ART4: variants seen among roughly 807,000 people sequenced by gnomAD.
ART4 encodes ADP-ribosyltransferase 4 (inactive) (Dombrock blood group), also known as ecto-ADP-ribosyltransferase 4.
In ART4, 14 loss-of-function variants were observed where a neutral mutation model predicts 24.2. The observed-to-expected ratio is 0.58, with a 90% confidence interval of 0.38 to 0.90. The LOEUF (loss-of-function observed/expected upper bound fraction) is 0.90. Ranked by LOEUF, ART4 falls within the 40% of genes least tolerant of loss-of-function variation. ART4 has a pLI of 0.00. For missense variants in ART4, 356 were observed against 366.6 expected, an observed-to-expected ratio of 0.97 and a Z score of 0.24; for synonymous variants, 145 against 139.9, an observed-to-expected ratio of 1.04 and a Z score of -0.26.
Position 14,829,305 on chromosome 12 carries a change from CA to C in ART4, c.*65del. On this transcript the variant is annotated 3_prime_UTR_variant, in exon 3 of 3. Coordinates refer to ENST00000228936, the MANE Select transcript of ART4 (RefSeq NM_021071.4). ...TGGAAAATAAATGTCCATTTCTAGC[CA>C]AAAGGCCAATAAAAAAGATTTTATT... The C allele has an allele frequency of 1.8e-6, 2 of 1,140,422 alleles. No homozygotes were observed. Among genetic ancestry groups the C allele is most frequent in the Non-Finnish European group, 2.4e-6 (2 of 823,138 alleles). 70.6% of individuals were successfully genotyped at this position (1,140,422 alleles called of 1,614,324 possible).
At chr12:14,842,466 G>T (rs187635898) in intron 1 of ART4, among the ~76,000 whole-genome samples, 175 of 152,270 alleles carry the variant, frequency 1.1e-3, no homozygotes, top group African/African-American at 4.1e-3. Flanking sequence ...ATCTATTTAA[G>T]CCAAGCCGAG....
chr12:14,843,073 G>A lies in ART4; in HGVS notation c.41C>T (p.Pro14Leu), dbSNP rs751524075. The A allele has an allele frequency of 1.9e-6, 3 of 1,614,176 alleles. No homozygotes were observed. Among genetic ancestry groups the A allele is most frequent in the Non-Finnish European group, 2.5e-6 (3 of 1,180,012 alleles). The change falls in exon 1 of 3, where the codon CCA (proline) becomes CTA (leucine). Residue 14 changes from proline (P) to leucine (L), a missense_variant. Transcript: ENST00000228936. ...LINRCKKILL[P>L]TTVPPATMRI... ...CATCGTTGCAGGAGGTACAGTAGTT[G>A]GGAGAAGAATCTTCTTGCATCTGTT...
intron 2 of ART4, among the ~76,000 whole-genome samples, chr12:14,838,342 A>G (rs919438748): frequency 5.0e-4 from 76 of 152,154 alleles, no homozygotes; most frequent in African/African-American, 1.8e-3. Flanking sequence ...AATGCTTAAT[A>G]TAAATCTTCT....
At chr12:14,841,383 C>G in intron 1 of ART4, 1 of 461,500 alleles carries the variant, frequency 2.2e-6, no homozygotes, top group Admixed American at 3.9e-5. Context: ...AAACTCATCT[C>G]CCCAGAGAGG....
chr12:14,830,082 C>T (rs1950384131), intron 2 of ART4, among the ~76,000 whole-genome samples: 1 of 150,968 alleles, frequency 6.6e-6, no homozygotes, highest in South Asian at 2.1e-4. Flanking sequence ...TTTTTCATTA[C>T]AAGGTGAGCA....
Position 14,840,567 on chromosome 12 carries a change from T to TC in ART4, c.730dup (p.Glu244GlyfsTer8), listed in dbSNP as rs769684528. On this transcript the variant is annotated frameshift_variant, in exon 2 of 3. Transcript: ENST00000228936. LOFTEE classifies it high-confidence loss of function. Reference sequence around the variant, plus strand: ...CAGCTCATAGGGAGGGATCAAGACTTCCTTCTTGAGGGAGAAGTACTGTAC... The same window carrying TC: ...CAGCTCATAGGGAGGGATCAAGACTTCCCTTCTTGAGGGAGAAGTACTGTAC... 8.1e-6 allele frequency: 13 copies of TC among 1,614,176 alleles called. No individual in the cohort carries two copies. The highest frequency in any genetic ancestry group is 3.3e-5 in the Admixed American group (2 of 60,016).
chr12:14,840,833 G>A lies in ART4; in HGVS notation c.465C>T (p.His155=), dbSNP rs201524568. The A allele has an allele frequency of 3.5e-5, 57 of 1,614,190 alleles. No homozygotes were observed. The Admixed American group carries it at 9.5e-4, about 27-fold the overall frequency. ...RTPQQYERSF[H]FKYLHYYLTS... The stretch of plus-strand genomic sequence containing the variant: ...TGAGGTAGTAGTGTAAATATTTGAA[G>A]TGGAATGAACGTTCATACTGCTGTG... The change falls in exon 2 of 3, where the codon CAC becomes CAT. Residue 155 remains histidine, a synonymous_variant. Coordinates refer to ENST00000228936, the MANE Select transcript of ART4 (RefSeq NM_021071.4).
intron 2 of ART4, among the ~76,000 whole-genome samples, chr12:14,837,982 C>T (rs756220133): frequency 3.9e-5 from 6 of 152,174 alleles, no homozygotes; most frequent in Non-Finnish European, 5.9e-5. Flanking sequence ...CTCAAACTGC[C>T]TGCCTGCCTA....
At chr12:14,829,544 C>T in intron 2 of ART4, 82 bp from the exon 3 acceptor site, 2 of 931,874 alleles carry the variant, frequency 2.1e-6, no homozygotes, top group South Asian at 1.6e-5. Flanking sequence ...GATCCACTTA[C>T]TTAACTTAGA....
At chr12:14,838,649 A>G (rs1363431339) in intron 2 of ART4, among the ~76,000 whole-genome samples, 1 of 152,154 alleles carries the variant, frequency 6.6e-6, no homozygotes, top group African/African-American at 2.4e-5. Flanking sequence ...GAAAGTATTG[A>G]TAGGTCTCCT....
intron 2 of ART4, among the ~76,000 whole-genome samples, chr12:14,838,898 T>TC (rs1191152598): frequency 7.7e-6 from 1 of 130,616 alleles, no homozygotes; most frequent in African/African-American, 2.7e-5. Context: ...ATATGAACAG[T>TC]CTTTTTTTTT....
intron 1 of ART4, among the ~76,000 whole-genome samples, chr12:14,842,094 C>T (rs991721523): frequency 1.3e-4 from 20 of 152,304 alleles, no homozygotes; most frequent in African/African-American, 3.8e-4. Flanking sequence ...TGTTTATTCA[C>T]GTCTAGTGCA....
In ART4 at chr12:14,840,774, ATGCTGTCTT is replaced by A; in HGVS notation, c.515_523del (p.Lys172_Ser174del). 6.2e-7 allele frequency: 1 copy of A among 1,614,148 alleles called. No homozygotes were observed. The highest frequency in any genetic ancestry group is 8.5e-7 in the Non-Finnish European group (1 of 1,180,026). On this transcript the variant is annotated inframe_deletion, in exon 2 of 3. Transcript: ENST00000228936. Reference sequence around the variant, plus strand: ...ATAGCACAGAGTGCCATTCTCCATGATGCTGTCTTTCCTCAGCAGCTGGATTGCTGAGGT... The same window carrying A: ...ATAGCACAGAGTGCCATTCTCCATGATCCTCAGCAGCTGGATTGCTGAGGT...
At chr12:14,830,548 TGTGTG>T (rs1950387772) in intron 2 of ART4, among the ~76,000 whole-genome samples, 2 of 135,804 alleles carry the variant, frequency 1.5e-5, no homozygotes, top group Non-Finnish European at 3.1e-5. Context: ...TGTGTGTGTG[TGTGTG>T]TGTGTGTGTG....
At position 14,829,433 on chromosome 12, in the gene ART4, T is replaced by C. The variant is rs763947686; in HGVS notation, c.883A>G (p.Ile295Val). 1 of 1,610,592 alleles carries C rather than the reference T, an allele frequency of 6.2e-7. No individual in the cohort carries two copies. The highest frequency in any genetic ancestry group is 8.5e-7 in the Non-Finnish European group (1 of 1,178,894). Residue 295 changes from isoleucine to valine, a missense_variant, in exon 3 of 3, where the codon ATA (isoleucine) becomes GTA (valine). By Grantham distance (29) the Ile-to-Val change is conservative. Coordinates refer to ENST00000228936, the MANE Select transcript of ART4 (RefSeq NM_021071.4). ...AAAAAGGAGAGAGATGCAATAGCTATAGGATCAGGGATGCATTTCTTGCTG... is the reference window on the plus strand; with the variant it reads ...AAAAAGGAGAGAGATGCAATAGCTACAGGATCAGGGATGCATTTCTTGCTG... ...ASSKKCIPDP[I>V]AIASLSFLTS...
In ART4 at chr12:14,837,103, C is replaced by T. The variant is rs977541212; in HGVS notation, c.853+3342G>A. On this transcript the variant is annotated intron_variant, in intron 2 of 2. Transcript: ENST00000228936. Reference sequence around the variant, plus strand: ...TGTAGACTGTGGATCCCCCAAACAACGGGATGATTCACATCATGACCAGTG... The same window carrying T: ...TGTAGACTGTGGATCCCCCAAACAATGGGATGATTCACATCATGACCAGTG... Among the ~76,000 whole-genome samples the T allele has an allele frequency of 2.2e-4, 33 of 152,062 alleles. 1 individual carries two copies. Among genetic ancestry groups the T allele is most frequent in the South Asian group, 2.1e-4 (1 of 4,818 alleles).
chr12:14,829,840 C>T (rs1315194579), intron 2 of ART4, among the ~76,000 whole-genome samples: 1 of 152,138 alleles, frequency 6.6e-6, no homozygotes, highest in Non-Finnish European at 1.5e-5. Context: ...GGATCTATTT[C>T]GAGCCCTTGC....
At chr12:14,832,935 A>G (rs1190350528) in intron 2 of ART4, among the ~76,000 whole-genome samples, 1 of 152,172 alleles carries the variant, frequency 6.6e-6, no homozygotes, top group Non-Finnish European at 1.5e-5. Flanking sequence ...CATGGACCAT[A>G]TATTTAGGAA....
rs1316783769 is a variant in ART4, at chr12:14,825,753, C to G, written c.*3618G>C. 1 of 152,056 alleles carries G rather than the reference C, an allele frequency of 6.6e-6. No homozygotes were observed. Among genetic ancestry groups the G allele is most frequent in the East Asian group, 1.9e-4 (1 of 5,198 alleles). 9.4% of individuals were successfully genotyped at this position (152,056 alleles called of 1,614,324 possible). A position where few individuals can be genotyped will look rare whatever the true frequency, so the allele number is the denominator to read the frequency against. ...GATTCTTCTAGCAAAACAAACTTTA[C>G]TGAAATTTTCTTTCATTGGATTTTT... On this transcript the variant is annotated 3_prime_UTR_variant, in exon 3 of 3. Coordinates refer to ENST00000228936, the MANE Select transcript of ART4 (RefSeq NM_021071.4).
Sources: allele counts gnomAD v4.1 joint callset (sites outside exome capture counted in the v4.1 genomes callset), GRCh38; gene constraint gnomAD v4.1.1; transcripts MANE v1.5; gene names NCBI Gene and HGNC (gene_info 2026-07-23, HGNC 2026-07-21).